The following TBC1D8 variants were observed in gnomAD, a reference collection of about 807,000 sequenced individuals.
TBC1D8 encodes BUB2-like protein 1.
TBC1D8 carries 65 observed loss-of-function variants against 118.8 expected under a neutral mutation model. The ratio of observed to expected loss-of-function variants is 0.55; its 90% CI spans 0.45 to 0.67. The LOEUF (loss-of-function observed/expected upper bound fraction) is 0.67. Among genes scored for constraint, TBC1D8 ranks in the 30% least tolerant of loss-of-function variants. TBC1D8 has a pLI of 0.00. For synonymous variants in TBC1D8, 566 were observed against 595.8 expected (o/e 0.95, Z 0.73); for missense variants, 1,376 against 1,471.2 (o/e 0.94, Z 1.06).
intron 17 of TBC1D8, among the ~76,000 whole-genome samples, chr2:101,014,563 C>G (rs1255550670): frequency 6.6e-6 from 1 of 152,206 alleles, no homozygotes; most frequent in African/African-American, 2.4e-5. Context: ...GGCTCTTAAT[C>G]CTGGCTGGAT....
chr2:101,061,046 G>T (rs919575961), intron 2 of TBC1D8, among the ~76,000 whole-genome samples: 8 of 152,030 alleles, frequency 5.3e-5, no homozygotes, highest in Non-Finnish European at 1.0e-4. Context: ...AAATTAGCCA[G>T]TCACGGTGGT....
chr2:101,092,866 T>C (rs2105459733), intron 1 of TBC1D8, among the ~76,000 whole-genome samples: 1 of 152,256 alleles, frequency 6.6e-6, no homozygotes, highest in Middle Eastern at 3.4e-3. Flanking sequence ...GTCCCCTCAG[T>C]GTACAGAGCC....
At chr2:101,115,106 G>C (rs892154369) in intron 1 of TBC1D8, among the ~76,000 whole-genome samples, 4 of 152,176 alleles carry the variant, frequency 2.6e-5, no homozygotes, top group Non-Finnish European at 5.9e-5. Flanking sequence ...AAGGAAGAAA[G>C]GGAGTAAGGA....
intron 1 of TBC1D8, among the ~76,000 whole-genome samples, chr2:101,096,590 C>G (rs1326189021): frequency 6.6e-6 from 1 of 151,878 alleles, no homozygotes; most frequent in Non-Finnish European, 1.5e-5. Flanking sequence ...AAACAATATG[C>G]AAGAACAGAT....
intron 17 of TBC1D8, among the ~76,000 whole-genome samples, chr2:101,012,347 A>G (rs958435839): frequency 2.0e-5 from 3 of 152,240 alleles, no homozygotes; most frequent in East Asian, 1.9e-4. Context: ...TACCCATGCA[A>G]TGGAATATTT....
chr2:101,014,722 A>G (rs1679486146), intron 17 of TBC1D8, among the ~76,000 whole-genome samples: 1 of 152,158 alleles, frequency 6.6e-6, no homozygotes, highest in Admixed American at 6.5e-5. Flanking sequence ...ACATATTGGC[A>G]CGTTCTTAAA....
At chr2:101,083,089 T>C (rs1675371023) in intron 2 of TBC1D8, among the ~76,000 whole-genome samples, 1 of 150,916 alleles carries the variant, frequency 6.6e-6, no homozygotes, top group Admixed American at 6.6e-5. Context: ...GCCCAAGGAG[T>C]TTCATCTGTA....
intron 9 of TBC1D8, among the ~76,000 whole-genome samples, 175 bp from the exon 10 acceptor site, chr2:101,033,933 G>A (rs1347785711): frequency 6.6e-6 from 1 of 152,196 alleles, no homozygotes; most frequent in Non-Finnish European, 1.5e-5. Context: ...GGAGGCCGAG[G>A]CGGGTGGATC....
At chr2:101,134,806 T>G (rs1344633459) in intron 1 of TBC1D8, among the ~76,000 whole-genome samples, 3 of 152,190 alleles carry the variant, frequency 2.0e-5, no homozygotes, top group Non-Finnish European at 1.5e-5. Context: ...ACAACATAAC[T>G]TAACTTTTGG....
intron 18 of TBC1D8, 74 bp from the exon 19 acceptor site, chr2:101,011,100 A>G: frequency 7.0e-7 from 1 of 1,419,592 alleles, no homozygotes; most frequent in Non-Finnish European, 9.8e-7. Context: ...ACTATGTAGG[A>G]GAGAGGAGCA....
intron 9 of TBC1D8, 97 bp from the exon 10 acceptor site, chr2:101,033,855 T>C: frequency 7.3e-7 from 1 of 1,360,604 alleles, no homozygotes; most frequent in Non-Finnish European, 1.0e-6. Flanking sequence ...CAGTGGGGTC[T>C]CGTTACTTAC....
rs752738643 is a variant in TBC1D8 at position 101,032,313 on chromosome 2, C to T, written c.1891G>A (p.Val631Met). ...TAATCGGGCAGCATCCGCTCACACA[C>T]AGCAACCAACAGCCAGAAGGCTTCC... ...EEEAFWLLVA[V>M]CERMLPDYFN... Residue 631 changes from valine (V) to methionine (M), a missense_variant, in exon 11 of 20, where the codon GTG becomes ATG. By Grantham distance (21) the Val-to-Met change is conservative. Coordinates refer to ENST00000409318, the MANE Select transcript of TBC1D8 (RefSeq NM_001330348.2). 16 of 1,613,776 alleles carry T rather than the reference C, an allele frequency of 9.9e-6. No individual in the cohort carries two copies. The highest frequency in any genetic ancestry group is 1.2e-5 in the Non-Finnish European group (14 of 1,179,824).
At chr2:101,095,975 T>C (rs546484750) in intron 1 of TBC1D8, among the ~76,000 whole-genome samples, 1 of 152,196 alleles carries the variant, frequency 6.6e-6, no homozygotes, top group Non-Finnish European at 1.5e-5. Flanking sequence ...CCCCCATACC[T>C]GACCACCACA....
intron 5 of TBC1D8, among the ~76,000 whole-genome samples, chr2:101,044,495 G>A (rs962336878): frequency 3.9e-5 from 6 of 152,288 alleles, no homozygotes; most frequent in South Asian, 2.1e-4. Context: ...CTCACAGCCC[G>A]CTTCTCAGAC....
intron 1 of TBC1D8, among the ~76,000 whole-genome samples, chr2:101,093,707 T>TC (rs1431617029): frequency 2.0e-5 from 3 of 150,336 alleles, no homozygotes; most frequent in African/African-American, 7.3e-5. Context: ...AGAGCAAGAC[T>TC]CCATCTCAGG....
At chr2:101,150,422 T>C (rs1013531445) in intron 1 of TBC1D8, among the ~76,000 whole-genome samples, 1 of 152,236 alleles carries the variant, frequency 6.6e-6, no homozygotes. Context: ...CTACTGCAAG[T>C]TGGCGTCAAT....
chr2:101,130,706 G>A (rs1056463761), intron 1 of TBC1D8, among the ~76,000 whole-genome samples: 3 of 152,194 alleles, frequency 2.0e-5, no homozygotes, highest in Non-Finnish European at 4.4e-5. Flanking sequence ...TCCAACCCCA[G>A]ATTAATCACT....
At chr2:101,093,288 G>A (rs1439238758) in intron 1 of TBC1D8, among the ~76,000 whole-genome samples, 1 of 152,066 alleles carries the variant, frequency 6.6e-6, no homozygotes, top group Non-Finnish European at 1.5e-5. Context: ...TTGACTGCAC[G>A]GGGGTTGGCA....
intron 1 of TBC1D8, among the ~76,000 whole-genome samples, chr2:101,099,142 A>T (rs977510551): frequency 6.6e-6 from 1 of 152,038 alleles, no homozygotes; most frequent in Non-Finnish European, 1.5e-5. Flanking sequence ...GAGAGAGAAG[A>T]ATCAAATAGA....
Sources: gnomAD v4.1 joint callset for allele counts (sites outside exome capture counted in the v4.1 genomes callset) on GRCh38, gnomAD v4.1.1 for gene constraint, MANE v1.5 for transcripts, NCBI Gene and HGNC (gene_info 2026-07-23, HGNC 2026-07-21) for gene names.